The following LRMDA variants were observed in gnomAD, a reference collection of about 807,000 sequenced individuals.
LRMDA encodes leucine rich melanocyte differentiation associated.
A neutral mutation model predicts 29.8 loss-of-function variants in LRMDA; 18 were observed. That is an observed-to-expected ratio of 0.60 (90% CI 0.42 to 0.90). The LOEUF is 0.90. LRMDA is among the 40% of genes least tolerant of loss of function. The pLI, the probability that LRMDA is intolerant of heterozygous loss-of-function variation, is 0.00. For missense variants in LRMDA, 273 were observed against 273.9 expected, an observed-to-expected ratio of 1.00 and a Z score of 0.02; for synonymous variants, 125 against 109.4, an observed-to-expected ratio of 1.14 and a Z score of -0.89.
intron 2 of LRMDA, among the ~76,000 whole-genome samples, chr10:75,942,608 G>A (rs1310015391): frequency 6.6e-6 from 1 of 152,090 alleles, no homozygotes; most frequent in African/African-American, 2.4e-5. Flanking sequence ...ACTGTGCTTG[G>A]TTTATGTTTA....
At chr10:76,186,378 G>T (rs1851150155) in intron 5 of LRMDA, among the ~76,000 whole-genome samples, 1 of 152,194 alleles carries the variant, frequency 6.6e-6, no homozygotes, top group African/African-American at 2.4e-5. Context: ...TTTTGTCAAA[G>T]GACTGTGCAA....
At position 75,587,815 on chromosome 10, in the gene LRMDA, G is replaced by A. The variant is rs1204889216; in HGVS notation, c.131+149321G>A. The stretch of plus-strand genomic sequence containing the variant: ...GCCACCCTTCAGTAGAGTGCCTGTC[G>A]ATCCCTGGTCCAATCAGCCAAGGTC... On this transcript the variant is annotated intron_variant, in intron 2 of 6. Coordinates refer to ENST00000611255, the MANE Select transcript of LRMDA (RefSeq NM_001305581.2). Among the ~76,000 whole-genome samples, 5 of 152,186 alleles carry A rather than the reference G, an allele frequency of 3.3e-5. No individual in the cohort carries two copies. In the South Asian group the frequency reaches 8.3e-4, roughly 25 times the overall value.
At chr10:76,354,947 T>A (rs1294941998) in intron 6 of LRMDA, among the ~76,000 whole-genome samples, 1 of 152,170 alleles carries the variant, frequency 6.6e-6, no homozygotes, top group Non-Finnish European at 1.5e-5. Flanking sequence ...CAGCCTCTCT[T>A]CATCCCCCTG....
intron 5 of LRMDA, among the ~76,000 whole-genome samples, chr10:76,107,197 G>A (rs1229886567): frequency 1.3e-5 from 2 of 152,154 alleles, no homozygotes; most frequent in Non-Finnish European, 2.9e-5. Flanking sequence ...CTTTTCAAGG[G>A]AAATCTATTA....
intron 2 of LRMDA, among the ~76,000 whole-genome samples, chr10:75,456,974 C>T (rs991875548): frequency 1.9e-4 from 29 of 152,082 alleles, no homozygotes; most frequent in Admixed American, 5.9e-4. Flanking sequence ...CCTCACGTGG[C>T]GGTAAAATGG....
intron 6 of LRMDA, among the ~76,000 whole-genome samples, chr10:76,428,422 T>G (rs1440562182): frequency 6.6e-6 from 1 of 152,088 alleles, no homozygotes; most frequent in Non-Finnish European, 1.5e-5. Flanking sequence ...ATGATGAAGT[T>G]AATTTCATCT....
chr10:75,835,453 T>C (rs1445824772), intron 2 of LRMDA, among the ~76,000 whole-genome samples: 1 of 152,240 alleles, frequency 6.6e-6, no homozygotes, highest in Non-Finnish European at 1.5e-5. Context: ...TTTAACTCAA[T>C]CACATTTGCA....
At chr10:75,600,170 T>G (rs181236960) in intron 2 of LRMDA, among the ~76,000 whole-genome samples, 1 of 146,320 alleles carries the variant, frequency 6.8e-6, no homozygotes, top group Admixed American at 6.6e-5. Context: ...TGACACCTTT[T>G]TCCCCCCAAG....
chr10:76,171,780 G>A (rs935060223), intron 5 of LRMDA, among the ~76,000 whole-genome samples: 49 of 152,278 alleles, frequency 3.2e-4, no homozygotes, highest in African/African-American at 1.1e-3. Context: ...GACAAAGACT[G>A]GATTTACCTT....
chr10:76,441,835 T>TTAAG (rs1372345130), intron 6 of LRMDA, among the ~76,000 whole-genome samples: 1 of 152,160 alleles, frequency 6.6e-6, no homozygotes, highest in Non-Finnish European at 1.5e-5. Context: ...ATCATAGGTA[T>TTAAG]TAAGTATGAC....
At chr10:76,155,888 T>C (rs1018638846) in intron 5 of LRMDA, among the ~76,000 whole-genome samples, 6 of 152,178 alleles carry the variant, frequency 3.9e-5, no homozygotes, top group African/African-American at 1.4e-4. Context: ...GGAAAAGTAT[T>C]TACTCTCAAA....
At chr10:76,347,938 A>G (rs1564516300) in intron 6 of LRMDA, among the ~76,000 whole-genome samples, 1 of 152,172 alleles carries the variant, frequency 6.6e-6, no homozygotes, top group Non-Finnish European at 1.5e-5. Context: ...AAAAATTAAA[A>G]CAGGCATTCT....
At position 76,558,498 on chromosome 10, in the gene LRMDA, G is replaced by A. The variant is rs1843586115; in HGVS notation, c.*1210G>A. ...TGACTCAAAGTTTATCTAACTTGCT[G>A]GTGCACCAGTCAAATCACTCTAGAA... On this transcript the variant is annotated 3_prime_UTR_variant, in exon 7 of 7. Transcript: ENST00000611255. The A allele has an allele frequency of 6.6e-6, 1 of 152,168 alleles. No homozygotes were observed. The highest frequency in any genetic ancestry group is 6.5e-5 in the Admixed American group (1 of 15,282). The allele number at this position is 152,168 out of a possible 1,614,324, so 9.4% of individuals were successfully genotyped here.
intron 5 of LRMDA, among the ~76,000 whole-genome samples, chr10:76,137,320 A>T (rs1314345168): frequency 5.9e-5 from 9 of 152,214 alleles, no homozygotes; most frequent in African/African-American, 1.7e-4. Flanking sequence ...TTATATGGAC[A>T]ATGTCTTTGT....
chr10:75,870,767 C>G (rs1845095437), intron 2 of LRMDA, among the ~76,000 whole-genome samples: 1 of 152,188 alleles, frequency 6.6e-6, no homozygotes, highest in Non-Finnish European at 1.5e-5. Flanking sequence ...CAAACTCCCC[C>G]CTTTCTTGTA....
intron 2 of LRMDA, among the ~76,000 whole-genome samples, chr10:75,971,810 T>C (rs1846977240): frequency 6.6e-6 from 1 of 152,184 alleles, no homozygotes. Context: ...CTCATGGTTA[T>C]AGTGAAGTTA....
chr10:75,593,875 C>A (rs545357813), intron 2 of LRMDA, among the ~76,000 whole-genome samples: 1 of 152,330 alleles, frequency 6.6e-6, no homozygotes, highest in South Asian at 2.1e-4. Flanking sequence ...CCTGGCCAAG[C>A]GGCTTCCAGC....
At chr10:76,067,561 G>A (rs555164863) in intron 5 of LRMDA, among the ~76,000 whole-genome samples, 81 of 152,252 alleles carry the variant, frequency 5.3e-4, no homozygotes, top group African/African-American at 1.8e-3. Context: ...ACATTACCCG[G>A]GGTTCTGTGC....
intron 2 of LRMDA, among the ~76,000 whole-genome samples, chr10:75,788,227 G>A (rs1220288178): frequency 6.6e-6 from 1 of 152,172 alleles, no homozygotes; most frequent in East Asian, 1.9e-4. Context: ...AATAACAGTG[G>A]CTTAAAATGG....
Sources: gnomAD v4.1 joint callset for allele counts (sites outside exome capture counted in the v4.1 genomes callset) on GRCh38, gnomAD v4.1.1 for gene constraint, MANE v1.5 for transcripts, NCBI Gene and HGNC (gene_info 2026-07-23, HGNC 2026-07-21) for gene names.